The following XYLB variants were observed in gnomAD, a reference collection of about 807,000 sequenced individuals.
XYLB encodes xylulose kinase.
XYLB carries 62 observed loss-of-function variants against 78.7 expected under a neutral mutation model. The ratio of observed to expected loss-of-function variants is 0.79; its 90% CI spans 0.64 to 0.97. The LOEUF (loss-of-function observed/expected upper bound fraction) is 0.97. Ranked by LOEUF, XYLB falls within the 50% of genes least tolerant of loss-of-function variation. The pLI is 0.00. For missense variants in XYLB, 687 were observed against 676.8 expected (o/e 1.02, Z -0.17); for synonymous variants, 245 against 247.4 (o/e 0.99, Z 0.09).
chr3:38,394,431 T>C (rs1707786250), intron 15 of XYLB, among the ~76,000 whole-genome samples: 2 of 152,348 alleles, frequency 1.3e-5, no homozygotes, highest in Middle Eastern at 3.4e-3. Context: ...GTTTGTTTAT[T>C]CTTTATTTTT....
At chr3:38,373,323 C>T (rs1013588738) in intron 10 of XYLB, among the ~76,000 whole-genome samples, 19 of 152,304 alleles carry the variant, frequency 1.2e-4, no homozygotes, top group Admixed American at 6.5e-5. Flanking sequence ...CCCTCAACCT[C>T]ACCCCCACCC....
At chr3:38,365,558 T>G in intron 5 of XYLB, 50 bp from the exon 6 acceptor site, 1 of 1,567,272 alleles carries the variant, frequency 6.4e-7, no homozygotes, top group Non-Finnish European at 8.7e-7. Flanking sequence ...GGGGCAGATC[T>G]CCAAGTCAGC....
chr3:38,419,578 T>TTATATATA (rs67869604), downstream of XYLB, among the ~76,000 whole-genome samples: 302 of 68,272 alleles, frequency 4.4e-3, 18 homozygotes, highest in African/African-American at 9.2e-3. Flanking sequence ...TTATTTTTCT[T>TTATATATA]TATATATATA....
intron 15 of XYLB, among the ~76,000 whole-genome samples, chr3:38,383,297 A>T (rs993145143): frequency 6.6e-6 from 1 of 152,226 alleles, no homozygotes; most frequent in East Asian, 1.9e-4. Flanking sequence ...CAGATGCTGG[A>T]TTCTCAACCA....
chr3:38,372,738 T>G lies in XYLB; in HGVS notation c.847+2T>G. 1 of 1,614,134 alleles carries G rather than the reference T, an allele frequency of 6.2e-7. No individual in the cohort carries two copies. Among genetic ancestry groups the G allele is most frequent in the East Asian group, 2.2e-5 (1 of 44,880 alleles). On this transcript the variant is annotated splice_donor_variant, in intron 10 of 18. Coordinates refer to ENST00000207870, the MANE Select transcript of XYLB (RefSeq NM_005108.4). LOFTEE classifies it high-confidence loss of function. Reference sequence around the variant, plus strand: ...TGGCCTTCACTGGGGACAACCCAGGTGAGTATCTCGGGGAGTTTCACTCTC... The same window carrying G: ...TGGCCTTCACTGGGGACAACCCAGGGGAGTATCTCGGGGAGTTTCACTCTC...
At chr3:38,375,305 T>C (rs906842955) in intron 12 of XYLB, 46 bp downstream of exon 12, 1 of 1,546,202 alleles carries the variant, frequency 6.5e-7, no homozygotes, top group Non-Finnish European at 8.9e-7. Context: ...TGAGGAGGTG[T>C]GGGCAGGTCT....
intron 14 of XYLB, among the ~76,000 whole-genome samples, chr3:38,378,697 G>C (rs994220069): frequency 4.0e-5 from 6 of 151,606 alleles, no homozygotes; most frequent in Admixed American, 1.3e-4. Flanking sequence ...ATGGCGGCAG[G>C]TTCTAGCATT....
chr3:38,365,061 G>A, intron 4 of XYLB, 138 bp from the exon 5 acceptor site: 1 of 689,884 alleles, frequency 1.4e-6, no homozygotes, highest in Non-Finnish European at 2.5e-6. Context: ...GGAGGGTGAT[G>A]AGCTCTGTGA....
rs778178781 is a variant in XYLB, at chr3:38,365,754, G to C, written c.507+18G>C. Reference sequence around the variant, plus strand: ...CCTATGAGGTAGGCTGAGGATGCGGGGGGTGCAGGGGGTGGTCTGGTTGCA... The same window carrying C: ...CCTATGAGGTAGGCTGAGGATGCGGCGGGTGCAGGGGGTGGTCTGGTTGCA... On this transcript the variant is annotated intron_variant, in intron 6 of 18. Coordinates refer to ENST00000207870, the MANE Select transcript of XYLB (RefSeq NM_005108.4). 17 of 1,601,590 alleles carry C rather than the reference G, an allele frequency of 1.1e-5. No homozygotes were observed. In the East Asian group the frequency reaches 2.7e-4, roughly 25 times the overall value.
the XYLB span, among the ~76,000 whole-genome samples, chr3:38,444,985 C>T: frequency 6.6e-6 from 1 of 152,220 alleles, no homozygotes; most frequent in African/African-American, 2.4e-5. Flanking sequence ...CTTGCCTTCC[C>T]TCTTAGACCG....
chr3:38,420,656 A>G (rs1241496093), downstream of XYLB, among the ~76,000 whole-genome samples: 2 of 152,202 alleles, frequency 1.3e-5, no homozygotes, highest in Non-Finnish European at 2.9e-5. Flanking sequence ...ATAAAAATAT[A>G]TGGCCCTTCA....
At chr3:38,433,233 G>A in the XYLB span, among the ~76,000 whole-genome samples, 1 of 152,220 alleles carries the variant, frequency 6.6e-6, no homozygotes, top group Non-Finnish European at 1.5e-5. Context: ...GGGATGTAAG[G>A]CACCAAGTGT....
intron 4 of XYLB, among the ~76,000 whole-genome samples, chr3:38,364,786 T>C (rs1093685): frequency 0.89 from 135,867 of 152,084 alleles, 61,283 homozygotes; most frequent in East Asian, 1. Flanking sequence ...AGAATAGGGA[T>C]GAAAGTATCC....
At chr3:38,425,588 A>G (rs1559632500), downstream of XYLB, among the ~76,000 whole-genome samples, 1 of 152,264 alleles carries the variant, frequency 6.6e-6, no homozygotes, top group African/African-American at 2.4e-5. Context: ...CAAAGACAGA[A>G]GCAGAACAAC....
the XYLB span, among the ~76,000 whole-genome samples, chr3:38,433,573 A>G: frequency 6.6e-6 from 1 of 152,156 alleles, no homozygotes; most frequent in Non-Finnish European, 1.5e-5. Context: ...ATCTCTCTCA[A>G]GTTCAAAGTT....
At chr3:38,381,379 G>T (rs1378402632) in intron 15 of XYLB, among the ~76,000 whole-genome samples, 1 of 152,114 alleles carries the variant, frequency 6.6e-6, no homozygotes, top group Admixed American at 6.6e-5. Flanking sequence ...TGTAATAATT[G>T]CATTAACTGC....
At chr3:38,370,977 G>T (rs952638254) in intron 9 of XYLB, among the ~76,000 whole-genome samples, 6 of 152,154 alleles carry the variant, frequency 3.9e-5, no homozygotes, top group African/African-American at 1.4e-4. Flanking sequence ...CTCTGGGTGG[G>T]ACAGAGTGCT....
intron 13 of XYLB, 90 bp downstream of exon 13, chr3:38,376,322 G>C: frequency 2.4e-6 from 2 of 821,620 alleles, no homozygotes; most frequent in South Asian, 2.7e-5. Context: ...CTGGGGGAGA[G>C]GAGGGCCGTG....
At position 38,372,687 on chromosome 3, in the gene XYLB, C is replaced by T. The variant is rs774457255; in HGVS notation, c.798C>T (p.Tyr266=). The T allele has an allele frequency of 2.4e-5, 39 of 1,614,058 alleles. No homozygotes were observed. Among genetic ancestry groups the T allele is most frequent in the East Asian group, 4.5e-5 (2 of 44,892 alleles). The change falls in exon 10 of 19, where the codon TAC becomes TAT. Residue 266 remains tyrosine, a synonymous_variant. Transcript: ENST00000207870. The part of the protein sequence containing the change: ...GAISSYYVQR[Y]GFPPGCKVVA... Reference sequence around the variant, plus strand: ...TTTCTTCCTACTACGTCCAGCGCTACGGATTTCCTCCAGGATGCAAAGTGG... The same window carrying T: ...TTTCTTCCTACTACGTCCAGCGCTATGGATTTCCTCCAGGATGCAAAGTGG...
Sources: allele counts gnomAD v4.1 joint callset (sites outside exome capture counted in the v4.1 genomes callset), GRCh38; gene constraint gnomAD v4.1.1; transcripts MANE v1.5; gene names NCBI Gene and HGNC (gene_info 2026-07-23, HGNC 2026-07-21).